The following RAB27B variants were observed in gnomAD, a reference collection of about 807,000 sequenced individuals.
RAB27B encodes RAB27B, member RAS oncogene family.
Under a neutral mutation model 24.6 loss-of-function variants are expected in RAB27B, and 15 were observed. The ratio of observed to expected loss-of-function variants is 0.61; its 90% CI spans 0.41 to 0.94. The LOEUF (loss-of-function observed/expected upper bound fraction) is 0.94. RAB27B is among the 40% of genes least tolerant of loss of function. The probability of loss-of-function intolerance (pLI) is 0.00; values close to 1 mark genes in which losing one functional copy is unlikely to be tolerated. For synonymous variants in RAB27B, 105 were observed against 92.5 expected, an observed-to-expected ratio of 1.14 and a Z score of -0.78; for missense variants, 261 against 266.8, an observed-to-expected ratio of 0.98 and a Z score of 0.15.
rs533458723 is a variant in RAB27B at position 54,835,297 on chromosome 18, C to T, written c.-20+6597C>T. 9.9e-5 allele frequency among the ~76,000 whole-genome samples: 15 copies of T among 151,994 alleles called. No individual in the cohort carries two copies. In the South Asian group the frequency reaches 2.9e-3, roughly 29 times the overall value. Reference sequence around the variant, plus strand: ...TGGAGTAACTTAAGCCTCTAATTTTCTGGAACTTTCTCCCAAATGCTGCAA... The same window carrying T: ...TGGAGTAACTTAAGCCTCTAATTTTTTGGAACTTTCTCCCAAATGCTGCAA... On this transcript the variant is annotated intron_variant, in intron 1 of 5. Coordinates refer to ENST00000262094, the MANE Select transcript of RAB27B (RefSeq NM_004163.4).
chr18:54,830,706 T>C (rs778079751), intron 1 of RAB27B, among the ~76,000 whole-genome samples: 2 of 152,156 alleles, frequency 1.3e-5, no homozygotes, highest in Non-Finnish European at 2.9e-5. Flanking sequence ...AACATACCTA[T>C]TGTAAACCCC....
chr18:54,861,249 T>A (rs531324780), intron 1 of RAB27B, among the ~76,000 whole-genome samples: 1 of 152,302 alleles, frequency 6.6e-6, no homozygotes, highest in African/African-American at 2.4e-5. Flanking sequence ...GTCAGAAAAC[T>A]TAGTAAATCA....
chr18:54,752,331 G>A (rs1260284505), intron 2 of RAB27B, among the ~76,000 whole-genome samples: 4 of 152,244 alleles, frequency 2.6e-5, no homozygotes, highest in Middle Eastern at 3.4e-3. Flanking sequence ...ATTAAAGACC[G>A]ATGAAACAAT....
intron 1 of RAB27B, among the ~76,000 whole-genome samples, chr18:54,861,293 C>G (rs1373445889): frequency 6.6e-6 from 1 of 152,196 alleles, no homozygotes; most frequent in Non-Finnish European, 1.5e-5. Flanking sequence ...TAATTTAAAA[C>G]CAAATCTTTT....
At chr18:54,725,347 G>T (rs540006032) in intron 2 of RAB27B, among the ~76,000 whole-genome samples, 1 of 151,544 alleles carries the variant, frequency 6.6e-6, no homozygotes, top group South Asian at 2.1e-4. Flanking sequence ...CCATTTCAGG[G>T]TGAGTTTACT....
chr18:54,769,448 TG>T (rs1908472763), intron 2 of RAB27B, among the ~76,000 whole-genome samples: 7 of 151,426 alleles, frequency 4.6e-5, no homozygotes, highest in Admixed American at 2.0e-4. Flanking sequence ...TTGTCCATCT[TG>T]TTTTTTTGTT....
At chr18:54,799,176 T>C (rs965436957) in intron 2 of RAB27B, among the ~76,000 whole-genome samples, 1 of 152,156 alleles carries the variant, frequency 6.6e-6, no homozygotes, top group Admixed American at 6.5e-5. Context: ...ACTTCCAAAT[T>C]TGTGTTATTG....
rs1210193407 is a variant in RAB27B at position 54,890,345 on chromosome 18, C to T, written c.*932C>T. Reference sequence around the variant, plus strand: ...TTAGCACATGTTGATAAAATAGTCACAAGGAGAAATTACCAGTTACGGTTT... The same window carrying T: ...TTAGCACATGTTGATAAAATAGTCATAAGGAGAAATTACCAGTTACGGTTT... On this transcript the variant is annotated 3_prime_UTR_variant, in exon 6 of 6. Coordinates refer to ENST00000262094, the MANE Select transcript of RAB27B (RefSeq NM_004163.4). 1 of 152,056 alleles carries T rather than the reference C, an allele frequency of 6.6e-6. No individual in the cohort carries two copies. Among genetic ancestry groups the T allele is most frequent in the Admixed American group, 6.6e-5 (1 of 15,258 alleles). 9.4% of individuals were successfully genotyped at this position (152,056 alleles called of 1,614,324 possible).
chr18:54,747,331 A>G (rs1910285302), intron 2 of RAB27B, among the ~76,000 whole-genome samples: 1 of 152,228 alleles, frequency 6.6e-6, no homozygotes, highest in Admixed American at 6.5e-5. Context: ...ACTAGTTAAT[A>G]TAATAGTGAT....
chr18:54,889,224 C>A lies in RAB27B; in HGVS notation c.468C>A (p.Gly156=), dbSNP rs1056488753. The A allele has an allele frequency of 6.8e-6, 11 of 1,606,278 alleles. No homozygotes were observed. Among genetic ancestry groups the A allele is most frequent in the South Asian group, 5.6e-5 (5 of 89,170 alleles). Residue 156 remains glycine (G), a splice_region_variant and synonymous_variant, in exon 6 of 6, where the codon GGC becomes GGA. Coordinates refer to ENST00000262094, the MANE Select transcript of RAB27B (RefSeq NM_004163.4). ...RQARELADKY[G]IPYFETSAAT... ...ATATTTGCCATCCTTTCTATGCTAG[C>A]ATACCATATTTTGAAACAAGTGCAG...
At chr18:54,837,124 T>C (rs557142347) in intron 1 of RAB27B, among the ~76,000 whole-genome samples, 1,959 of 152,164 alleles carry the variant, frequency 0.013, 35 homozygotes, top group African/African-American at 0.045. Flanking sequence ...GAGAGTTACA[T>C]GAGCAGATAA....
At chr18:54,848,788 G>T (rs1358904293) in intron 1 of RAB27B, among the ~76,000 whole-genome samples, 1 of 152,092 alleles carries the variant, frequency 6.6e-6, no homozygotes, top group African/African-American at 2.4e-5. Context: ...GATAGGAGGG[G>T]TGTCTGTTCC....
intron 2 of RAB27B, among the ~76,000 whole-genome samples, chr18:54,756,384 T>G (rs1053698043): frequency 1.3e-5 from 2 of 152,168 alleles, no homozygotes; most frequent in African/African-American, 4.8e-5. Flanking sequence ...CCCACATTAT[T>G]TAAAGAGCTC....
intron 2 of RAB27B, among the ~76,000 whole-genome samples, chr18:54,749,479 AG>A (rs1385561679): frequency 6.6e-6 from 1 of 152,096 alleles, no homozygotes; most frequent in Non-Finnish European, 1.5e-5. Context: ...CCTCAGCCAA[AG>A]GAGTTTTGGC....
At chr18:54,720,479 A>C (rs1310972618) in intron 2 of RAB27B, among the ~76,000 whole-genome samples, 9 of 152,082 alleles carry the variant, frequency 5.9e-5, no homozygotes, top group Non-Finnish European at 1.3e-4. Context: ...CCCTAACAGA[A>C]ATTCTTTCAT....
At chr18:54,723,092 C>T (rs1197769578) in intron 2 of RAB27B, among the ~76,000 whole-genome samples, 1 of 152,152 alleles carries the variant, frequency 6.6e-6, no homozygotes, top group Admixed American at 6.6e-5. Flanking sequence ...TGGAATTCCC[C>T]TGAGTGGCAG....
intron 2 of RAB27B, among the ~76,000 whole-genome samples, chr18:54,801,950 C>A (rs534020792): frequency 6.6e-6 from 1 of 152,194 alleles, no homozygotes; most frequent in South Asian, 2.1e-4. Context: ...AATTTGGGTC[C>A]TGTGAGAAGG....
Position 54,785,125 on chromosome 18 carries a change from G to A in RAB27B, c.-20+66984G>A, listed in dbSNP as rs138599849. On this transcript the variant is annotated intron_variant, in intron 2 of 4. Transcript: ENST00000586570. Reference sequence around the variant, plus strand: ...TGAATGTTCTTTTTTTTTTTGAGACGGAGTCTCGCTCTGTCGCCCAGGCTG... The same window carrying A: ...TGAATGTTCTTTTTTTTTTTGAGACAGAGTCTCGCTCTGTCGCCCAGGCTG... Among the ~76,000 whole-genome samples the A allele has an allele frequency of 3.8e-4, 57 of 149,516 alleles. No homozygotes were observed. In the East Asian group the frequency reaches 8.5e-3, roughly 22 times the overall value.
At chr18:54,741,047 TG>T (rs1485751195) in intron 2 of RAB27B, among the ~76,000 whole-genome samples, 1 of 152,190 alleles carries the variant, frequency 6.6e-6, no homozygotes, top group African/African-American at 2.4e-5. Flanking sequence ...CCGGAAGTCA[TG>T]GATACTAAAT....
Sources: allele counts gnomAD v4.1 joint callset (sites outside exome capture counted in the v4.1 genomes callset), GRCh38; gene constraint gnomAD v4.1.1; transcripts MANE v1.5; gene names NCBI Gene and HGNC (gene_info 2026-07-23, HGNC 2026-07-21).